Variants in ZNF254 observed in about 807,000 individuals in gnomAD.
The protein encoded by ZNF254 is zinc finger protein 254.
A neutral mutation model predicts 12.4 loss-of-function variants in ZNF254; 10 were observed. That is an observed-to-expected ratio of 0.80 (90% CI 0.50 to 1.36). The LOEUF (loss-of-function observed/expected upper bound fraction) is 1.36. ZNF254 is among the 40% of genes most tolerant of loss of function. ZNF254 has a pLI of 0.00. For synonymous variants in ZNF254, 305 were observed against 253.4 expected, an observed-to-expected ratio of 1.20 and a Z score of -1.93; for missense variants, 996 against 763.9, an observed-to-expected ratio of 1.30 and a Z score of -3.58.
chr19:24,088,479 A>T (rs1361752805), intron 1 of ZNF254, among the ~76,000 whole-genome samples: 1 of 151,952 alleles, frequency 6.6e-6, no homozygotes, highest in Admixed American at 6.6e-5. Context: ...GCAGGGCCTC[A>T]AGTCCACCCC....
At chr19:24,054,625 A>G (rs1970772727) in intron 2 of ZNF254, among the ~76,000 whole-genome samples, 2 of 152,192 alleles carry the variant, frequency 1.3e-5, no homozygotes, top group Non-Finnish European at 2.9e-5. Flanking sequence ...GAAAGAGCCT[A>G]TGGCTGAAGT....
chr19:24,106,981 A>G, intron 3 of ZNF254: 1 of 441,030 alleles, frequency 2.3e-6, no homozygotes, highest in Non-Finnish European at 4.0e-6. Context: ...TGTATGTTAA[A>G]CTGTTTTTTA....
chr19:24,084,470 A>G (rs1423015241), upstream of ZNF254, among the ~76,000 whole-genome samples: 2 of 151,898 alleles, frequency 1.3e-5, no homozygotes, highest in East Asian at 3.9e-4. Context: ...TGCTTGGGAG[A>G]TGGGTGCTCC....
intron 2 of ZNF254, 85 bp from the exon 3 acceptor site, chr19:24,106,463 A>G: frequency 1.8e-6 from 2 of 1,086,732 alleles, no homozygotes; most frequent in Non-Finnish European, 2.6e-6. Context: ...AGCATATTCT[A>G]TTATATCCTC....
At position 24,074,932 on chromosome 19, in the gene ZNF254, G is replaced by A. The variant is rs541547878; in HGVS notation, c.-94+28653G>A. On this transcript the variant is annotated intron_variant, in intron 2 of 4. Coordinates refer to the ZNF254 transcript ENST00000613065. ...CCAGAGGGTATTGTGACATTTCTGG[G>A]CCCAGAACCTAAATGATGTGACTCT... is the stretch of plus-strand genomic sequence containing the variant. Among the ~76,000 whole-genome samples the A allele has an allele frequency of 9.4e-4, 143 of 152,252 alleles. 1 individual carries two copies. Among genetic ancestry groups the A allele is most frequent in the African/African-American group, 3.3e-3 (139 of 41,532 alleles).
intron 3 of ZNF254, among the ~76,000 whole-genome samples, chr19:24,120,057 A>G (rs1179681964): frequency 2.0e-5 from 3 of 152,154 alleles, no homozygotes; most frequent in Non-Finnish European, 2.9e-5. Context: ...AAAGAGGTTT[A>G]TTGGTCACAG....
At chr19:24,038,210 T>C (rs541627550) in intron 1 of ZNF254, among the ~76,000 whole-genome samples, 1 of 152,310 alleles carries the variant, frequency 6.6e-6, no homozygotes, top group Non-Finnish European at 1.5e-5. Context: ...CTTTATTCCA[T>C]TTTCTGTTGG....
At chr19:24,077,521 G>T (rs184117362) in intron 2 of ZNF254, among the ~76,000 whole-genome samples, 1 of 152,330 alleles carries the variant, frequency 6.6e-6, no homozygotes, top group Admixed American at 6.5e-5. Flanking sequence ...ATGGAAGATG[G>T]ACAGGTGTGT....
At chr19:24,042,393 C>T (rs1452281000) in intron 1 of ZNF254, among the ~76,000 whole-genome samples, 1 of 152,220 alleles carries the variant, frequency 6.6e-6, no homozygotes, top group Non-Finnish European at 1.5e-5. Context: ...TGGCAACCCG[C>T]TCAGGTCCCC....
At chr19:24,036,538 T>C (rs62117632) in intron 1 of ZNF254, among the ~76,000 whole-genome samples, 24,282 of 152,138 alleles carry the variant, frequency 0.16, 2,114 homozygotes, top group Middle Eastern at 0.23. Context: ...GTAGGGTCTA[T>C]GCTGACTCAA....
At chr19:24,126,085 G>T (rs996896273) in intron 3 of ZNF254, among the ~76,000 whole-genome samples, 169 bp from the exon 4 acceptor site, 3 of 152,054 alleles carry the variant, frequency 2.0e-5, no homozygotes, top group African/African-American at 7.2e-5. Flanking sequence ...ATGTATTTTG[G>T]TCTGAATGTT....
chr19:24,097,214 G>A (rs1002050554), intron 1 of ZNF254, among the ~76,000 whole-genome samples: 1 of 152,094 alleles, frequency 6.6e-6, no homozygotes, highest in Non-Finnish European at 1.5e-5. Context: ...TCTTATGATA[G>A]TCTTTTAAAG....
chr19:24,126,505 T>C lies in ZNF254; in HGVS notation c.505T>C (p.Ser169Pro), dbSNP rs1974852428. Residue 169 changes from serine to proline, a missense_variant, in exon 4 of 4, where the codon TCA becomes CCA. Physicochemically the swap from Ser to Pro is moderately conservative, Grantham distance 74 (BLOSUM62 -1). Coordinates refer to ENST00000357002, the MANE Select transcript of ZNF254 (RefSeq NM_203282.4). Reference sequence around the variant, plus strand: ...GAAAGTCTTCTATAAATTTTTAAATTCAAACAGACCTAAGATAAGACATAC... The same window carrying C: ...GAAAGTCTTCTATAAATTTTTAAATCCAAACAGACCTAAGATAAGACATAC... Reference protein sequence around the residue: ...YLKVFYKFLNSNRPKIRHTEK... With the variant: ...YLKVFYKFLNPNRPKIRHTEK... 1.3e-6 allele frequency: 2 copies of C among 1,589,220 alleles called. No homozygotes were observed. Among genetic ancestry groups the C allele is most frequent in the Non-Finnish European group, 1.7e-6 (2 of 1,172,688 alleles).
At position 24,126,739 on chromosome 19, in the gene ZNF254, C is replaced by G. The variant is rs1456434402; in HGVS notation, c.739C>G (p.Pro247Ala). Residue 247 changes from proline to alanine, a missense_variant, in exon 4 of 4, where the codon CCT becomes GCT. By Grantham distance (27) the Pro-to-Ala change is conservative. Transcript: ENST00000357002. ...CAAATGTGAAGAATATAACAAATCT[C>G]CTAAGCAACTCTCAACCCTTACTAC... is the stretch of plus-strand genomic sequence containing the variant. ...PYKCEEYNKS[P>A]KQLSTLTTHE... is the part of the protein sequence containing the mutation. 1 of 1,612,892 alleles carries G rather than the reference C, an allele frequency of 6.2e-7. No homozygotes were observed. The highest frequency in any genetic ancestry group is 8.5e-7 in the Non-Finnish European group (1 of 1,179,564).
upstream of ZNF254, among the ~76,000 whole-genome samples, chr19:24,085,408 G>GTATATATATATA (rs377541868): frequency 4.4e-3 from 143 of 32,696 alleles, 12 homozygotes; most frequent in South Asian, 8.7e-3. Context: ...TTTGTTAAGG[G>GTATATATATATA]TATATATATA....
In ZNF254 at chr19:24,127,521, A is replaced by C. The variant is rs1288937696; in HGVS notation, c.1521A>C (p.Thr507=). Residue 507 remains threonine, a synonymous_variant, in exon 4 of 4, where the codon ACA becomes ACC. Coordinates refer to ENST00000357002, the MANE Select transcript of ZNF254 (RefSeq NM_203282.4). The part of the protein sequence containing the change: ...KSFSQSSTLT[T]HKIIHTGEKP... ...TTAGCCAATCCTCAACCCTTACTAC[A>C]CATAAGATAATTCATACTGGAGAGA... 1.2e-6 allele frequency: 2 copies of C among 1,613,576 alleles called. No individual in the cohort carries two copies. The highest frequency in any genetic ancestry group is 1.7e-6 in the Non-Finnish European group (2 of 1,179,832).
chr19:24,086,974 G>A (rs1205249476), upstream of ZNF254, among the ~76,000 whole-genome samples: 1 of 152,168 alleles, frequency 6.6e-6, no homozygotes, highest in Non-Finnish European at 1.5e-5. Flanking sequence ...CTCTGGGGTG[G>A]GCCTGGCTCA....
Position 24,129,811 on chromosome 19 carries a change from A to G in ZNF254, c.*1831A>G, listed in dbSNP as rs1192671135. 1.3e-5 allele frequency: 2 copies of G among 151,980 alleles called. No individual in the cohort carries two copies. Among genetic ancestry groups the G allele is most frequent in the Non-Finnish European group, 2.9e-5 (2 of 67,948 alleles). The allele number at this position is 151,980 out of a possible 1,614,324, so 9.4% of individuals were successfully genotyped here. A position where few individuals can be genotyped will look rare whatever the true frequency, so the allele number is the denominator to read the frequency against. On this transcript the variant is annotated 3_prime_UTR_variant, in exon 4 of 4. Transcript: ENST00000357002. ...AATTTTATACAAACGTGTAAAATCT[A>G]TACATTTCTGAGTTCTGAATAAATA...
intron 2 of ZNF254, among the ~76,000 whole-genome samples, chr19:24,069,493 T>C (rs1971402454): frequency 6.8e-6 from 1 of 147,396 alleles, no homozygotes; most frequent in African/African-American, 2.5e-5. Context: ...TAATCCCAGC[T>C]ACTCAGGAGG....
Sources: gnomAD v4.1 joint callset for allele counts (sites outside exome capture counted in the v4.1 genomes callset) on GRCh38, gnomAD v4.1.1 for gene constraint, MANE v1.5 for transcripts, NCBI Gene and HGNC (gene_info 2026-07-23, HGNC 2026-07-21) for gene names.